COL6A6: variants seen among roughly 807,000 people sequenced by gnomAD.
The protein encoded by COL6A6 is collagen type VI alpha 6 chain, also known as collagen alpha-6(VI) chain.
A neutral mutation model predicts 208.6 loss-of-function variants in COL6A6; 183 were observed. That is an observed-to-expected ratio of 0.88 (90% CI 0.78 to 0.99). The LOEUF (loss-of-function observed/expected upper bound fraction) is 0.99, where lower values mean the gene tolerates loss of function less well. Ranked by LOEUF, COL6A6 falls within the 50% of genes least tolerant of loss-of-function variation. COL6A6 has a pLI of 0.00. For synonymous variants in COL6A6, 973 were observed against 1,011.8 expected (o/e 0.96, Z 0.73); for missense variants, 2,816 against 2,815.2 (o/e 1.00, Z -0.01).
chr3:130,597,185 A>T (rs1292069314), intron 18 of COL6A6, among the ~76,000 whole-genome samples: 1 of 152,214 alleles, frequency 6.6e-6, no homozygotes, highest in East Asian at 1.9e-4. Flanking sequence ...TTTCCACCAA[A>T]ATACAATTTT....
chr3:130,606,886 G>A (rs1169693594), intron 20 of COL6A6, 45 bp from the exon 21 acceptor site: 4 of 1,523,430 alleles, frequency 2.6e-6, no homozygotes, highest in African/African-American at 2.8e-5. Context: ...TATATAAAAA[G>A]CATTTTTTCT....
intron 8 of COL6A6, among the ~76,000 whole-genome samples, chr3:130,579,293 G>A (rs570935579): frequency 2.4e-4 from 36 of 152,296 alleles, no homozygotes; most frequent in South Asian, 6.2e-4. Context: ...ATAACTGTCT[G>A]ATCCAATTCA....
chr3:130,555,090 C>G (rs994600572), intron 1 of COL6A6, among the ~76,000 whole-genome samples: 1 of 152,138 alleles, frequency 6.6e-6, no homozygotes, highest in Non-Finnish European at 1.5e-5. Context: ...AGCTTTAGGG[C>G]GTGGGCATTC....
intron 23 of COL6A6, among the ~76,000 whole-genome samples, chr3:130,615,354 T>C (rs2108238820): frequency 6.6e-6 from 1 of 152,276 alleles, no homozygotes; most frequent in Non-Finnish European, 1.5e-5. Flanking sequence ...GTTTTATTTC[T>C]GATTGTGTGG....
chr3:130,582,795 C>T (rs2063455556), intron 10 of COL6A6, among the ~76,000 whole-genome samples: 1 of 152,314 alleles, frequency 6.6e-6, no homozygotes, highest in Admixed American at 6.5e-5. Context: ...CTTACTCCTT[C>T]TCTGAAGAAT....
intron 1 of COL6A6, among the ~76,000 whole-genome samples, chr3:130,557,751 G>C (rs998656392): frequency 2.6e-5 from 4 of 152,164 alleles, no homozygotes; most frequent in African/African-American, 9.7e-5. Flanking sequence ...GAATTGGTTT[G>C]TATGGAGCAG....
intron 1 of COL6A6, among the ~76,000 whole-genome samples, chr3:130,547,981 T>TG (rs2062557174): frequency 6.6e-6 from 1 of 152,004 alleles, no homozygotes. Context: ...TATTTTGAGA[T>TG]GGGGTTTCAC....
chr3:130,593,389 A>G, intron 17 of COL6A6, 137 bp downstream of exon 17: 2 of 710,648 alleles, frequency 2.8e-6, no homozygotes, highest in Non-Finnish European at 4.9e-6. Context: ...TACAACGATG[A>G]ACATTTATTT....
At chr3:130,578,062 G>T (rs1199670713) in intron 8 of COL6A6, among the ~76,000 whole-genome samples, 1 of 152,072 alleles carries the variant, frequency 6.6e-6, no homozygotes, top group Non-Finnish European at 1.5e-5. Flanking sequence ...TTTGAGACTG[G>T]CTATTCTGTC....
At chr3:130,598,813 T>G (rs6771426) in intron 19 of COL6A6, among the ~76,000 whole-genome samples, 6,534 of 152,226 alleles carry the variant, frequency 0.043, 471 homozygotes, top group African/African-American at 0.15. Flanking sequence ...AGTAGTACAT[T>G]ATAAAAAGAA....
Position 130,676,859 on chromosome 3 carries a change from T to G in COL6A6, c.*1462T>G, listed in dbSNP as rs1374421949. The stretch of plus-strand genomic sequence containing the variant: ...TCTATCCTAAGTGGTGCTTAGGGGT[T>G]CAGAAAAAATGTTTCAAGTACAGGA... On this transcript the variant is annotated 3_prime_UTR_variant, in exon 37 of 37. Transcript: ENST00000358511. The G allele has an allele frequency of 2.0e-5, 3 of 152,170 alleles. No individual in the cohort carries two copies. Among genetic ancestry groups the G allele is most frequent in the Admixed American group, 6.5e-5 (1 of 15,278 alleles). The allele number at this position is 152,170 out of a possible 1,614,324, so 9.4% of individuals were successfully genotyped here.
rs181249626 is a variant in COL6A6 at position 130,609,609 on chromosome 3, G to A, written c.4752+645G>A. ...GAAAGGAAATCCTAGCAAATACTGA[G>A]TTGAAAGAAAGGTCAGACCACAAAA... On this transcript the variant is annotated intron_variant, in intron 22 of 36. Transcript: ENST00000358511. Among the ~76,000 whole-genome samples the A allele has an allele frequency of 1.7e-3, 259 of 152,218 alleles. 1 individual carries two copies. Among genetic ancestry groups the A allele is most frequent in the African/African-American group, 6.1e-3 (252 of 41,546 alleles).
chr3:130,654,390 G>C (rs1241595987), intron 33 of COL6A6, among the ~76,000 whole-genome samples: 1 of 152,102 alleles, frequency 6.6e-6, no homozygotes, highest in African/African-American at 2.4e-5. Context: ...ACTGACACTG[G>C]GTTTGGTTTC....
At position 130,649,304 on chromosome 3, in the gene COL6A6, CAG is replaced by C. The variant is rs764781947; in HGVS notation, c.5479_5480del (p.Glu1827AsnfsTer2). 1.5e-5 allele frequency: 24 copies of C among 1,606,594 alleles called. No homozygotes were observed. Among genetic ancestry groups the C allele is most frequent in the Non-Finnish European group, 1.6e-5 (19 of 1,176,700 alleles). ...SDAYKKSQLL[R>X]EIETIPYERS... Reference sequence around the variant, plus strand: ...ACGCCTACAAGAAGAGTCAACTTCTCAGAGAAATTGAAACTATTCCTTATGAG... The same window carrying C: ...ACGCCTACAAGAAGAGTCAACTTCTCAGAAATTGAAACTATTCCTTATGAG... On this transcript the variant is annotated frameshift_variant, in exon 33 of 37. Coordinates refer to ENST00000358511, the MANE Select transcript of COL6A6 (RefSeq NM_001102608.3). LOFTEE classifies it high-confidence loss of function.
At chr3:130,664,098 G>A (rs1049029495) in intron 35 of COL6A6, among the ~76,000 whole-genome samples, 1 of 152,100 alleles carries the variant, frequency 6.6e-6, no homozygotes, top group Non-Finnish European at 1.5e-5. Flanking sequence ...TAGCTCCCTC[G>A]CTTTGTGGCT....
At position 130,628,789 on chromosome 3, in the gene COL6A6, G is replaced by A; in HGVS notation, c.4992+1420G>A. ...TACAGCTCCCTGCGTGAGCGACGCA[G>A]AAGACGGTGATTTCTGCATTTCCAT... On this transcript the variant is annotated intron_variant, in intron 26 of 36. Coordinates refer to ENST00000358511, the MANE Select transcript of COL6A6 (RefSeq NM_001102608.3). Among the ~76,000 whole-genome samples, 3 of 65,828 alleles carry A rather than the reference G, an allele frequency of 4.6e-5. No individual in the cohort carries two copies. The South Asian group carries it at 1.3e-3, about 29-fold the overall frequency. 43.2% of individuals were successfully genotyped at this position (65,828 alleles called of 152,430 possible).
chr3:130,673,216 A>C (rs1473694194), intron 36 of COL6A6, among the ~76,000 whole-genome samples: 11 of 94,170 alleles, frequency 1.2e-4, no homozygotes, highest in African/African-American at 6.4e-4. Flanking sequence ...AACAAAAAAA[A>C]CAAAAAAAAA....
In COL6A6 at chr3:130,605,904, C is replaced by T. The variant is rs60423790; in HGVS notation, c.4654-1027C>T. Reference sequence around the variant, plus strand: ...AACCCCTTATAAAATTATCAGATCTCATGAGACTTATTCACTTCCATGAGA... The same window carrying T: ...AACCCCTTATAAAATTATCAGATCTTATGAGACTTATTCACTTCCATGAGA... On this transcript the variant is annotated intron_variant, in intron 20 of 36. Coordinates refer to ENST00000358511, the MANE Select transcript of COL6A6 (RefSeq NM_001102608.3). Among the ~76,000 whole-genome samples the T allele has an allele frequency of 4.3e-3, 650 of 152,322 alleles. 7 individuals are homozygous for T. The highest frequency in any genetic ancestry group is 0.015 in the African/African-American group (622 of 41,568).
At chr3:130,665,864 G>C (rs2066062283) in intron 36 of COL6A6, among the ~76,000 whole-genome samples, 1 of 152,182 alleles carries the variant, frequency 6.6e-6, no homozygotes, top group South Asian at 2.1e-4. Context: ...TGTTTAAATA[G>C]TCTCACAGAA....
Sources: allele counts gnomAD v4.1 joint callset (sites outside exome capture counted in the v4.1 genomes callset), GRCh38; gene constraint gnomAD v4.1.1; transcripts MANE v1.5; gene names NCBI Gene and HGNC (gene_info 2026-07-23, HGNC 2026-07-21).